SEC24D: variants seen among roughly 807,000 people sequenced by gnomAD.
The protein encoded by SEC24D is protein transport protein Sec24D.
Under a neutral mutation model 116.9 loss-of-function variants are expected in SEC24D, and 69 were observed. The ratio of observed to expected loss-of-function variants is 0.59; its 90% CI spans 0.49 to 0.72. SEC24D has a LOEUF of 0.72. Among genes scored for constraint, SEC24D ranks in the 30% least tolerant of loss-of-function variants. The pLI is 0.00. For synonymous variants in SEC24D, 405 were observed against 442.8 expected, an observed-to-expected ratio of 0.91 and a Z score of 1.07; for missense variants, 1,131 against 1,264.1, an observed-to-expected ratio of 0.89 and a Z score of 1.60.
intron 11 of SEC24D, among the ~76,000 whole-genome samples, chr4:118,753,830 T>TAC (rs1336858757): frequency 6.6e-6 from 1 of 152,182 alleles, no homozygotes; most frequent in Non-Finnish European, 1.5e-5. Context: ...ACACAAAACA[T>TAC]ACATGCCACT....
intron 11 of SEC24D, among the ~76,000 whole-genome samples, chr4:118,757,189 C>T (rs138153080): frequency 8.7e-4 from 133 of 152,310 alleles, no homozygotes; most frequent in African/African-American, 3.0e-3. Flanking sequence ...CCTTTCCTTG[C>T]TGCCCTCTTG....
At chr4:118,830,809 G>A (rs1730817447) in intron 2 of SEC24D, among the ~76,000 whole-genome samples, 1 of 152,016 alleles carries the variant, frequency 6.6e-6, no homozygotes, top group African/African-American at 2.4e-5. Flanking sequence ...AAATCCCTCT[G>A]GCTCAGGAGT....
chr4:118,734,036 A>C (rs545833286), intron 19 of SEC24D, among the ~76,000 whole-genome samples: 2 of 151,548 alleles, frequency 1.3e-5, no homozygotes, highest in African/African-American at 4.8e-5. Context: ...CAATATTGTT[A>C]GAATAGCTAA....
chr4:118,802,351 C>T (rs1729479832), intron 7 of SEC24D, among the ~76,000 whole-genome samples: 2 of 152,234 alleles, frequency 1.3e-5, no homozygotes, highest in East Asian at 1.9e-4. Flanking sequence ...TTGGTCAAGC[C>T]ACTTAACCTC....
At chr4:118,801,579 C>T (rs954230886) in intron 7 of SEC24D, among the ~76,000 whole-genome samples, 1 of 152,068 alleles carries the variant, frequency 6.6e-6, no homozygotes, top group African/African-American at 2.4e-5. Flanking sequence ...TTATACAGAC[C>T]ATGAACTAAG....
intron 6 of SEC24D, among the ~76,000 whole-genome samples, chr4:118,806,867 G>A (rs2110515006): frequency 6.6e-6 from 1 of 152,092 alleles, no homozygotes; most frequent in East Asian, 1.9e-4. Flanking sequence ...CCTGACTGTA[G>A]TCCCAGCTAC....
At position 118,760,881 on chromosome 4, in the gene SEC24D, T is replaced by A. The variant is rs528177130; in HGVS notation, c.1297-3036A>T. Among the ~76,000 whole-genome samples the A allele has an allele frequency of 7.8e-3, 1,186 of 151,926 alleles. 16 individuals carry two copies. Among genetic ancestry groups the A allele is most frequent in the African/African-American group, 0.025 (1,035 of 41,420 alleles). On this transcript the variant is annotated intron_variant, in intron 10 of 22. Coordinates refer to ENST00000280551, the MANE Select transcript of SEC24D (RefSeq NM_014822.4). Reference sequence around the variant, plus strand: ...CACCACCAATGCCAGCTAATTTTTTTTTTTTATTTTTATTTTTAGTAGAGA... The same window carrying A: ...CACCACCAATGCCAGCTAATTTTTTATTTTTATTTTTATTTTTAGTAGAGA...
At chr4:118,790,296 G>A (rs188171069) in intron 8 of SEC24D, among the ~76,000 whole-genome samples, 1 of 152,190 alleles carries the variant, frequency 6.6e-6, no homozygotes, top group East Asian at 1.9e-4. Flanking sequence ...TCTACCATCT[G>A]GTTTATAGGT....
At chr4:118,816,220 T>A (rs1437693592) in intron 4 of SEC24D, among the ~76,000 whole-genome samples, 1 of 151,220 alleles carries the variant, frequency 6.6e-6, no homozygotes, top group African/African-American at 2.4e-5. Context: ...TGAGCCACCA[T>A]GCCTGGCCTG....
At position 118,833,741 on chromosome 4, in the gene SEC24D, C is replaced by A; in HGVS notation, c.-41-4G>T. ...AGGATAATTCTACAAAAGAAGTCTG[C>A]AACAGAGAAACAAGAAACATGTTAC... is the stretch of plus-strand genomic sequence containing the variant. On this transcript the variant is annotated splice_region_variant and splice_polypyrimidine_tract_variant and intron_variant, in intron 1 of 22. Coordinates refer to ENST00000280551, the MANE Select transcript of SEC24D (RefSeq NM_014822.4). 7.4e-7 allele frequency: 1 copy of A among 1,354,680 alleles called. No homozygotes were observed. Among genetic ancestry groups the A allele is most frequent in the East Asian group, 2.3e-5 (1 of 42,994 alleles). 83.9% of individuals were successfully genotyped at this position (1,354,680 alleles called of 1,614,324 possible). A position where few individuals can be genotyped will look rare whatever the true frequency, so the allele number is the denominator to read the frequency against.
At chr4:118,780,906 G>GATTTTTTTTTTTTTTTTTTTTTTTTTT in intron 8 of SEC24D, among the ~76,000 whole-genome samples, 1 of 106,080 alleles carries the variant, frequency 9.4e-6, no homozygotes, top group Non-Finnish European at 1.9e-5. Flanking sequence ...TGCAACCCCT[G>GATTTTTTTTTTTTTTTTTTTTTTTTTT]CTTTTTTTTT....
rs150745024 is a variant in SEC24D at position 118,803,065 on chromosome 4, A to G, written c.913+2778T>C. ...GCAAACTCATAGAGACAGAACGTAG[A>G]ACAGAGTCTACCAGGGGCTGGGTGG... On this transcript the variant is annotated intron_variant, in intron 7 of 22. Coordinates refer to ENST00000280551, the MANE Select transcript of SEC24D (RefSeq NM_014822.4). 3.3e-3 allele frequency among the ~76,000 whole-genome samples: 508 copies of G among 152,282 alleles called. 3 individuals are homozygous for G. The highest frequency in any genetic ancestry group is 0.012 in the African/African-American group (484 of 41,548).
chr4:118,812,483 C>T (rs115706007), intron 6 of SEC24D, among the ~76,000 whole-genome samples: 6,653 of 152,118 alleles, frequency 0.044, 203 homozygotes, highest in Non-Finnish European at 0.064. Flanking sequence ...GGCAGCCAGA[C>T]GTGGAGAGGA....
chr4:118,805,649 G>A (rs1195466525), intron 7 of SEC24D, among the ~76,000 whole-genome samples, 194 bp downstream of exon 7: 1 of 152,168 alleles, frequency 6.6e-6, no homozygotes, highest in East Asian at 1.9e-4. Flanking sequence ...GAACTCTCCA[G>A]ACTTCCATAC....
intron 9 of SEC24D, among the ~76,000 whole-genome samples, chr4:118,767,225 A>G (rs1256038867): frequency 6.6e-6 from 1 of 152,232 alleles, no homozygotes. Flanking sequence ...GCAGGGAAAT[A>G]AGAAGGCAAG....
At chr4:118,787,508 G>C (rs1189609051) in intron 8 of SEC24D, among the ~76,000 whole-genome samples, 1 of 152,124 alleles carries the variant, frequency 6.6e-6, no homozygotes, top group African/African-American at 2.4e-5. Context: ...ATCTTCATGT[G>C]TTCTTTTTAT....
intron 22 of SEC24D, among the ~76,000 whole-genome samples, chr4:118,727,836 A>T (rs1412651162): frequency 6.6e-6 from 1 of 152,144 alleles, no homozygotes; most frequent in Admixed American, 6.5e-5. Flanking sequence ...GTTTGCATGC[A>T]TGAGTTACTT....
chr4:118,809,388 A>T (rs775603773), intron 6 of SEC24D, among the ~76,000 whole-genome samples: 2 of 152,208 alleles, frequency 1.3e-5, no homozygotes, highest in Non-Finnish European at 2.9e-5. Flanking sequence ...CCACCACCAA[A>T]AGGGTTATAA....
chr4:118,731,594 C>T, intron 20 of SEC24D, 87 bp from the exon 21 acceptor site: 2 of 1,124,328 alleles, frequency 1.8e-6, no homozygotes, highest in South Asian at 1.3e-5. Flanking sequence ...TTTCCTCCCT[C>T]CCCTCCCTCA....
Sources: gnomAD v4.1 joint callset for allele counts (sites outside exome capture counted in the v4.1 genomes callset) on GRCh38, gnomAD v4.1.1 for gene constraint, MANE v1.5 for transcripts, NCBI Gene and HGNC (gene_info 2026-07-23, HGNC 2026-07-21) for gene names.